The following MCF2L2 variants were observed in gnomAD, a reference collection of about 807,000 sequenced individuals.
MCF2L2 encodes probable guanine nucleotide exchange factor MCF2L2.
A neutral mutation model predicts 150.2 loss-of-function variants in MCF2L2; 102 were observed. The observed-to-expected ratio is 0.68, with a 90% CI of 0.58 to 0.80. MCF2L2 has a LOEUF of 0.80. Ranked by LOEUF, MCF2L2 falls within the 30% of genes least tolerant of loss-of-function variation. The pLI, the probability that MCF2L2 is intolerant of heterozygous loss-of-function variation, is 0.00. For synonymous variants in MCF2L2, 465 were observed against 491.3 expected, an observed-to-expected ratio of 0.95 and a Z score of 0.71; for missense variants, 1,256 against 1,372.8, an observed-to-expected ratio of 0.91 and a Z score of 1.34.
At chr3:183,222,347 C>T (rs1308465685) in intron 20 of MCF2L2, among the ~76,000 whole-genome samples, 1 of 152,070 alleles carries the variant, frequency 6.6e-6, no homozygotes, top group East Asian at 1.9e-4. Context: ...GTCAGGAGTT[C>T]AAGACCAGCC....
chr3:183,409,934 A>G (rs1715240210), intron 1 of MCF2L2, among the ~76,000 whole-genome samples: 1 of 152,124 alleles, frequency 6.6e-6, no homozygotes, highest in Non-Finnish European at 1.5e-5. Context: ...GATCTATATG[A>G]GGAAGGAAAA....
chr3:183,185,111 G>A (rs1267324773), intron 27 of MCF2L2, among the ~76,000 whole-genome samples: 1 of 152,118 alleles, frequency 6.6e-6, no homozygotes. Flanking sequence ...GTAGAGACAG[G>A]GTTTCACCAT....
In MCF2L2 at chr3:183,323,282, C is replaced by G; in HGVS notation, c.556G>C (p.Gly186Arg). The G allele has an allele frequency of 6.2e-7, 1 of 1,613,874 alleles. No individual in the cohort carries two copies. The highest frequency in any genetic ancestry group is 1.1e-5 in the South Asian group (1 of 91,070). ...CCGTGGCGATATTCCAAAGTCCCCC[C>G]TAATTCCCGGGTCAGTTGGCTTTTG... ...IDKSQLTRELGGTLEYRHGQW... is the reference protein window; with the variant it reads ...IDKSQLTRELRGTLEYRHGQW... The change falls in exon 6 of 30, where the codon GGG becomes CGG. Residue 186 changes from glycine (G) to arginine (R), a missense_variant. By Grantham distance (125) the Gly-to-Arg change is moderately radical. Transcript: ENST00000328913.
At chr3:183,323,408 A>G (rs1232973344) in intron 5 of MCF2L2, 57 bp from the exon 6 acceptor site, 4 of 820,750 alleles carry the variant, frequency 4.9e-6, no homozygotes, top group Non-Finnish European at 8.3e-6. Flanking sequence ...ATAATAGCTC[A>G]TTTACATTCT....
At chr3:183,287,927 T>C (rs1157330188) in intron 14 of MCF2L2, 2 of 152,224 alleles carry the variant, frequency 1.3e-5, no homozygotes, top group Non-Finnish European at 2.9e-5. Context: ...TGATGGATCA[T>C]AAATGTTGCT....
rs3050286 is a variant in MCF2L2 at position 183,382,051 on chromosome 3, T to TTTATTATTATTA, written c.161-2652_161-2641dup. On this transcript the variant is annotated intron_variant, in intron 2 of 29. Transcript: ENST00000328913. The stretch of plus-strand genomic sequence containing the variant: ...GTGATTATGCCATTTAATTTCACCT[T>TTTATTATTATTA]TTATTATTATTATTATTATTATTAT... Among the ~76,000 whole-genome samples, 71 of 148,460 alleles carry TTTATTATTATTA rather than the reference T, an allele frequency of 4.8e-4. 2 individuals carry two copies. The highest frequency in any genetic ancestry group is 2.6e-3 in the Admixed American group (38 of 14,760).
intron 15 of MCF2L2, chr3:183,271,004 T>A: frequency 7.1e-7 from 1 of 1,402,572 alleles, no homozygotes; most frequent in Non-Finnish European, 9.7e-7. Context: ...CTTTAAATGT[T>A]CGTCTATACC....
At chr3:183,307,713 C>T (rs888638060) in intron 10 of MCF2L2, among the ~76,000 whole-genome samples, 2 of 152,246 alleles carry the variant, frequency 1.3e-5, no homozygotes, top group African/African-American at 2.4e-5. Flanking sequence ...GCAGATCCAT[C>T]GCCACTATTC....
At chr3:183,376,863 G>T (rs1193933594) in intron 3 of MCF2L2, 2 of 152,176 alleles carry the variant, frequency 1.3e-5, no homozygotes, top group African/African-American at 4.8e-5. Context: ...AACAAGGTCT[G>T]TGCAATATTC....
At chr3:183,409,186 G>T (rs966612742) in intron 1 of MCF2L2, among the ~76,000 whole-genome samples, 1 of 152,102 alleles carries the variant, frequency 6.6e-6, no homozygotes. Context: ...CCAACTTTTC[G>T]AGTGGCTCAT....
intron 10 of MCF2L2, among the ~76,000 whole-genome samples, chr3:183,304,827 A>G (rs1159268964): frequency 1.3e-5 from 2 of 152,036 alleles, no homozygotes; most frequent in African/African-American, 4.8e-5. Flanking sequence ...GAACTTAAAC[A>G]GTACCTGGCA....
chr3:183,223,043 G>A (rs1192120966), intron 20 of MCF2L2, among the ~76,000 whole-genome samples: 1 of 152,184 alleles, frequency 6.6e-6, no homozygotes, highest in Non-Finnish European at 1.5e-5. Flanking sequence ...TAACTTTGGG[G>A]AAAATCACAC....
At chr3:183,279,691 G>A (rs1727365024) in intron 14 of MCF2L2, among the ~76,000 whole-genome samples, 1 of 152,136 alleles carries the variant, frequency 6.6e-6, no homozygotes, top group Admixed American at 6.5e-5. Flanking sequence ...AAAAAGGGTG[G>A]CAAAAAGATG....
At chr3:183,383,925 A>T (rs1307653351) in intron 2 of MCF2L2, among the ~76,000 whole-genome samples, 3 of 152,168 alleles carry the variant, frequency 2.0e-5, no homozygotes, top group African/African-American at 7.2e-5. Context: ...AATGTGCTGT[A>T]TGCTATCTCT....
At chr3:183,288,410 G>C (rs912517555) in intron 14 of MCF2L2, among the ~76,000 whole-genome samples, 2 of 151,958 alleles carry the variant, frequency 1.3e-5, no homozygotes, top group African/African-American at 4.8e-5. Context: ...AGCCTATTCA[G>C]GGTTCACCAG....
Position 183,428,329 on chromosome 3 carries a change from A to G in MCF2L2, c.-352T>C. The G allele has an allele frequency of 3.4e-6, 1 of 290,894 alleles. No homozygotes were observed. Among genetic ancestry groups the G allele is most frequent in the Non-Finnish European group, 6.4e-6 (1 of 155,096 alleles). 18.0% of individuals were successfully genotyped at this position (290,894 alleles called of 1,614,324 possible). On this transcript the variant is annotated 5_prime_UTR_variant, in exon 1 of 30. Coordinates refer to ENST00000328913, the MANE Select transcript of MCF2L2 (RefSeq NM_015078.4). The surrounding 1 kb of genome is among the most constrained non-coding windows in gnomAD (Gnocchi z 5.1). ...TTCCAGAATCGCGGTCCCGGCCGCC[A>G]GGTTTCCGGCGCCGCCTCCAGGGAC...
At chr3:183,206,708 C>T (rs972274143) in intron 23 of MCF2L2, among the ~76,000 whole-genome samples, 21 of 152,010 alleles carry the variant, frequency 1.4e-4, no homozygotes, top group Non-Finnish European at 8.8e-5. Context: ...CCTGTCTCTA[C>T]TAAAAATACA....
chr3:183,207,013 G>A (rs980481054), intron 23 of MCF2L2, among the ~76,000 whole-genome samples: 2 of 144,222 alleles, frequency 1.4e-5, no homozygotes, highest in Non-Finnish European at 3.1e-5. Context: ...GAGGAAGGAA[G>A]GAAGGAAGGG....
In MCF2L2 at chr3:183,270,816, A is replaced by G. The variant is rs1726701632; in HGVS notation, c.1862+6056T>C. On this transcript the variant is annotated intron_variant, in intron 15 of 29. Transcript: ENST00000328913. This position sits in a 1 kb window ranked among gnomAD's most constrained non-coding sequence, Gnocchi z 4.5. ...CCTTTGGAAGAATGCTACAGATCCT[A>G]AAGTAAAAACCATTTCCAAAGGTTT... 1 of 1,613,996 alleles carries G rather than the reference A, an allele frequency of 6.2e-7. No individual in the cohort carries two copies. Among genetic ancestry groups the G allele is most frequent in the Non-Finnish European group, 8.5e-7 (1 of 1,179,982 alleles).
Sources: allele counts gnomAD v4.1 joint callset (sites outside exome capture counted in the v4.1 genomes callset), GRCh38; gene constraint gnomAD v4.1.1; non-coding constraint Gnocchi (gnomAD v3.1); transcripts MANE v1.5; gene names NCBI Gene and HGNC (gene_info 2026-07-23, HGNC 2026-07-21).